Variants in DNAJC27 observed in about 807,000 individuals in gnomAD.
DNAJC27 encodes DnaJ heat shock protein family (Hsp40) member C27.
In DNAJC27, 25 loss-of-function variants were observed where a neutral mutation model predicts 31.4. The observed-to-expected ratio is 0.80, with a 90% CI of 0.58 to 1.11. The LOEUF (loss-of-function observed/expected upper bound fraction) is 1.11. Among genes scored for constraint, DNAJC27 ranks in the 50% most tolerant of loss-of-function variants. The pLI, the probability that DNAJC27 is intolerant of heterozygous loss-of-function variation, is 0.00. For synonymous variants in DNAJC27, 106 were observed against 112.7 expected (o/e 0.94, Z 0.37); for missense variants, 356 against 347.3 (o/e 1.02, Z -0.20).
intron 2 of DNAJC27, among the ~76,000 whole-genome samples, chr2:24,964,039 C>G (rs1205305165): frequency 1.3e-5 from 2 of 152,130 alleles, no homozygotes; most frequent in Non-Finnish European, 2.9e-5. Context: ...TTAGAATTAA[C>G]TACTGTTAAC....
At chr2:24,957,252 A>C in intron 4 of DNAJC27, 87 bp from the exon 5 acceptor site, 1 of 1,417,150 alleles carries the variant, frequency 7.1e-7, no homozygotes, top group South Asian at 1.5e-5. Context: ...TCAATCCTTT[A>C]CTAAGGCAAA....
chr2:24,967,577 G>A (rs1375282149), intron 1 of DNAJC27, among the ~76,000 whole-genome samples: 2 of 152,046 alleles, frequency 1.3e-5, no homozygotes, highest in East Asian at 3.9e-4. Context: ...GCAGGCATCT[G>A]TAATCCCAGC....
At chr2:24,957,279 G>GGACCCAGTGAGGGTCTCTGTCAAT in intron 4 of DNAJC27, 114 bp from the exon 5 acceptor site, 3 of 1,169,696 alleles carry the variant, frequency 2.6e-6, no homozygotes, top group South Asian at 1.8e-5. Context: ...CTTAGTAAAT[G>GGACCCAGTGAGGGTCTCTGTCAAT]CCTGCACTAG....
intron 6 of DNAJC27, among the ~76,000 whole-genome samples, chr2:24,950,882 C>T (rs1345725879): frequency 2.0e-5 from 3 of 151,780 alleles, no homozygotes; most frequent in Non-Finnish European, 4.4e-5. Flanking sequence ...TAAACAAATA[C>T]ACACACAGAT....
At chr2:24,954,154 A>G (rs1665848120) in intron 5 of DNAJC27, among the ~76,000 whole-genome samples, 1 of 152,180 alleles carries the variant, frequency 6.6e-6, no homozygotes, top group African/African-American at 2.4e-5. Context: ...CACCAAGTCC[A>G]TATGGGGGTC....
At chr2:24,963,505 G>C in intron 2 of DNAJC27, 31 bp from the exon 3 acceptor site, 1 of 1,571,260 alleles carries the variant, frequency 6.4e-7, no homozygotes, top group Non-Finnish European at 8.7e-7. Context: ...CAATCCGAAA[G>C]AAAGTCATGG....
intron 3 of DNAJC27, among the ~76,000 whole-genome samples, chr2:24,961,240 T>G (rs2149127497): frequency 6.6e-6 from 1 of 152,326 alleles, no homozygotes; most frequent in South Asian, 2.1e-4. Flanking sequence ...GCAGATCTGT[T>G]TAAGCATAGT....
In DNAJC27 at chr2:24,945,604, T is replaced by A. The variant is rs543784508; in HGVS notation, c.*2012A>T. ...CAGACATGTCTGAGTGCTTTCAGCA[T>A]GATAAAGGCCTTCCTTAAGCAAAAT... On this transcript the variant is annotated 3_prime_UTR_variant, in exon 7 of 7. Transcript: ENST00000264711. 1.1e-4 allele frequency: 17 copies of A among 152,340 alleles called. No individual in the cohort carries two copies. In the East Asian group the frequency reaches 3.1e-3, roughly 28 times the overall value. 9.4% of individuals were successfully genotyped at this position (152,340 alleles called of 1,614,324 possible). A position where few individuals can be genotyped will look rare whatever the true frequency, so the allele number is the denominator to read the frequency against.
At chr2:24,951,238 T>A (rs1271209205) in intron 6 of DNAJC27, among the ~76,000 whole-genome samples, 156 bp downstream of exon 6, 2 of 152,270 alleles carry the variant, frequency 1.3e-5, no homozygotes, top group Non-Finnish European at 2.9e-5. Flanking sequence ...GTCTCTTTGG[T>A]ATTCAGCTAA....
chr2:24,949,208 T>C, intron 6 of DNAJC27, among the ~76,000 whole-genome samples: 1 of 152,218 alleles, frequency 6.6e-6, no homozygotes, highest in Non-Finnish European at 1.5e-5. Context: ...GATAATTCGC[T>C]AACAAGAATG....
intron 1 of DNAJC27, among the ~76,000 whole-genome samples, chr2:24,970,223 TGAA>T (rs1320450102): frequency 2.6e-5 from 4 of 152,342 alleles, no homozygotes; most frequent in Non-Finnish European, 5.9e-5. Context: ...TTTGCTTTAT[TGAA>T]TTTTTATAAT....
chr2:24,965,764 T>C (rs1435196075), intron 2 of DNAJC27, among the ~76,000 whole-genome samples: 1 of 152,216 alleles, frequency 6.6e-6, no homozygotes, highest in African/African-American at 2.4e-5. Flanking sequence ...TGAACTTGAC[T>C]CCACTCTTCA....
At chr2:24,958,025 G>T (rs1174964718) in intron 3 of DNAJC27, 51 bp from the exon 4 acceptor site, 2 of 1,549,026 alleles carry the variant, frequency 1.3e-6, no homozygotes, top group Non-Finnish European at 8.9e-7. Flanking sequence ...GATGTTATAA[G>T]AATGTATCTC....
chr2:24,967,954 C>CTT (rs35902856), intron 1 of DNAJC27, among the ~76,000 whole-genome samples: 19 of 135,648 alleles, frequency 1.4e-4, no homozygotes, highest in African/African-American at 3.5e-4. Context: ...AGATTAATTC[C>CTT]TTTTTTTTTT....
intron 5 of DNAJC27, among the ~76,000 whole-genome samples, chr2:24,954,930 C>T (rs909657781): frequency 9.9e-5 from 15 of 151,646 alleles, no homozygotes; most frequent in African/African-American, 3.2e-4. Flanking sequence ...AGCCAGACTC[C>T]GTCTCAAAAA....
intron 3 of DNAJC27, among the ~76,000 whole-genome samples, chr2:24,962,229 T>TGTG (rs1211781429): frequency 0.01 from 1,536 of 151,834 alleles, 7 homozygotes; most frequent in Non-Finnish European, 0.012. Context: ...TTGTTTTTTT[T>TGTG]TGTGTTTTTT....
At chr2:24,964,652 G>C (rs1372838158) in intron 2 of DNAJC27, among the ~76,000 whole-genome samples, 1 of 152,030 alleles carries the variant, frequency 6.6e-6, no homozygotes, top group African/African-American at 2.4e-5. Context: ...AAGTTGGTTT[G>C]AAATAGGTTT....
chr2:24,966,807 C>A (rs1300785241), intron 2 of DNAJC27, among the ~76,000 whole-genome samples: 2 of 152,186 alleles, frequency 1.3e-5, no homozygotes, highest in Admixed American at 1.3e-4. Context: ...AATAAAAAAA[C>A]TTCTCTGGTA....
At chr2:24,972,081 C>T (rs546931828), upstream of DNAJC27, 238 of 495,052 alleles carry the variant, frequency 4.8e-4, 1 homozygote, top group African/African-American at 4.3e-3. Flanking sequence ...CGTGGGGAGC[C>T]GGGGGAGGGA....
Sources: gnomAD v4.1 joint callset for allele counts (sites outside exome capture counted in the v4.1 genomes callset) on GRCh38, gnomAD v4.1.1 for gene constraint, MANE v1.5 for transcripts, NCBI Gene and HGNC (gene_info 2026-07-23, HGNC 2026-07-21) for gene names.